Variants in SMURF1 observed in about 807,000 individuals in gnomAD.
SMURF1 encodes the protein E3 ubiquitin-protein ligase SMURF1.
In SMURF1, 44 loss-of-function variants were observed where a neutral mutation model predicts 98.0. The ratio of observed to expected loss-of-function variants is 0.45; its 90% confidence interval spans 0.35 to 0.58. The LOEUF is 0.58. Among genes scored for constraint, SMURF1 ranks in the 20% least tolerant of loss-of-function variants. SMURF1 has a pLI of 0.00. For synonymous variants in SMURF1, 396 were observed against 374.9 expected (o/e 1.06, Z -0.65); for missense variants, 687 against 938.4 (o/e 0.73, Z 3.50).
chr7:99,053,678 G>A (rs1303586835), intron 6 of SMURF1, among the ~76,000 whole-genome samples: 7 of 152,184 alleles, frequency 4.6e-5, no homozygotes, highest in African/African-American at 7.2e-5. Context: ...TTGGGGCCGT[G>A]AGACACATTC....
chr7:99,047,995 A>T, intron 9 of SMURF1, 113 bp from the exon 10 acceptor site: 1 of 997,908 alleles, frequency 1.0e-6, no homozygotes, highest in Non-Finnish European at 1.5e-6. Context: ...AACTTCAGGG[A>T]GAATTTGTTT....
At chr7:99,060,529 T>C in intron 3 of SMURF1, 70 bp downstream of exon 3, 1 of 1,032,242 alleles carries the variant, frequency 9.7e-7, no homozygotes, top group East Asian at 2.5e-5. Context: ...TTCTCTTGGA[T>C]GTTTCTCGTA....
intron 1 of SMURF1, among the ~76,000 whole-genome samples, chr7:99,097,175 C>T (rs1440127235): frequency 6.6e-6 from 1 of 151,848 alleles, no homozygotes; most frequent in East Asian, 1.9e-4. Context: ...AGTTGCAAAT[C>T]AGGCATCTAA....
chr7:99,038,366 C>T (rs765111209), intron 14 of SMURF1, 22 bp downstream of exon 14: 29 of 1,611,596 alleles, frequency 1.8e-5, no homozygotes, highest in African/African-American at 1.6e-4. Context: ...GGCACCTGGC[C>T]GTCCCCGACA....
At chr7:99,094,267 A>G (rs1796894282) in intron 1 of SMURF1, among the ~76,000 whole-genome samples, 1 of 152,178 alleles carries the variant, frequency 6.6e-6, no homozygotes, top group South Asian at 2.1e-4. Flanking sequence ...AATTGAAAAC[A>G]CTCAATTTTT....
intron 5 of SMURF1, 44 bp downstream of exon 5, chr7:99,057,161 A>C: frequency 6.2e-7 from 1 of 1,605,368 alleles, no homozygotes; most frequent in South Asian, 1.1e-5. Context: ...GTTGAATGTA[A>C]GTTCTGGAAA....
At chr7:99,051,513 C>G (rs1795751867) in intron 7 of SMURF1, 72 bp from the exon 8 acceptor site, 1 of 1,141,872 alleles carries the variant, frequency 8.8e-7, no homozygotes, top group South Asian at 1.2e-5. Context: ...ACCCTCGATG[C>G]CCTCACGTCT....
At chr7:99,062,216 G>C (rs1379527388) in intron 1 of SMURF1, among the ~76,000 whole-genome samples, 1 of 151,486 alleles carries the variant, frequency 6.6e-6, no homozygotes, top group African/African-American at 2.4e-5. Context: ...TCTTGCCTCA[G>C]CCCTCCCAGT....
intron 9 of SMURF1, 53 bp downstream of exon 9, chr7:99,049,510 A>T: frequency 6.4e-7 from 1 of 1,563,394 alleles, no homozygotes; most frequent in Admixed American, 1.7e-5. Context: ...AGTCCAAGAA[A>T]GCATTCGATT....
At chr7:99,119,371 A>G (rs570878353) in intron 1 of SMURF1, among the ~76,000 whole-genome samples, 1 of 152,270 alleles carries the variant, frequency 6.6e-6, no homozygotes, top group South Asian at 2.1e-4. Flanking sequence ...CCCACAAAGA[A>G]ATTAACCTTT....
chr7:99,119,003 ATTTTTTTTTTTTT>A (rs67705340), intron 1 of SMURF1, among the ~76,000 whole-genome samples: 3 of 42,882 alleles, frequency 7.0e-5, no homozygotes, highest in Non-Finnish European at 1.2e-4. Flanking sequence ...TAACATGCCA[ATTTTTTTTTTTTT>A]TTTTTTTTTT....
At position 99,113,364 on chromosome 7, in the gene SMURF1, G is replaced by T. The variant is rs181314154; in HGVS notation, c.55+30362C>A. The stretch of plus-strand genomic sequence containing the variant: ...AGAAACCATAGAGCCAAAGGCAATG[G>T]AATTATATATTCAAATTACTAAAAG... On this transcript the variant is annotated intron_variant, in intron 1 of 17. Coordinates refer to ENST00000361368, the MANE Select transcript of SMURF1 (RefSeq NM_181349.3). Among the ~76,000 whole-genome samples the T allele has an allele frequency of 9.7e-3, 1,476 of 152,188 alleles. 20 individuals carry two copies. Among genetic ancestry groups the T allele is most frequent in the Non-Finnish European group, 0.013 (857 of 67,992 alleles).
chr7:99,054,891 T>C (rs1490261289), intron 5 of SMURF1, 26 bp from the exon 6 acceptor site: 1 of 1,608,068 alleles, frequency 6.2e-7, no homozygotes, highest in Non-Finnish European at 8.5e-7. Context: ...ACGACTTGTG[T>C]TAAAACCCAG....
At chr7:99,040,733 A>G (rs1187169037) in intron 12 of SMURF1, among the ~76,000 whole-genome samples, 177 bp from the exon 13 acceptor site, 1 of 152,156 alleles carries the variant, frequency 6.6e-6, no homozygotes, top group Non-Finnish European at 1.5e-5. Flanking sequence ...TGTAGCAGAA[A>G]TTTGCCTAGA....
In SMURF1 at chr7:99,085,754, C is replaced by T. The variant is rs1420950656; in HGVS notation, c.56-23917G>A. Among the ~76,000 whole-genome samples the T allele has an allele frequency of 1.3e-5, 2 of 152,190 alleles. 1 individual carries two copies. The highest frequency in any genetic ancestry group is 2.9e-5 in the Non-Finnish European group (2 of 68,038). On this transcript the variant is annotated intron_variant, in intron 1 of 17. Transcript: ENST00000361368. Reference sequence around the variant, plus strand: ...CCTAAAAAATCCTCTGTACTCTACCCGTTATTCTCCCCGTCCCCTTGGCAA... The same window carrying T: ...CCTAAAAAATCCTCTGTACTCTACCTGTTATTCTCCCCGTCCCCTTGGCAA...
intron 1 of SMURF1, among the ~76,000 whole-genome samples, chr7:99,070,775 A>G (rs1274919536): frequency 6.6e-6 from 1 of 152,066 alleles, no homozygotes; most frequent in Admixed American, 6.6e-5. Context: ...GCGCTTGATC[A>G]ATGTTTGTTG....
At chr7:99,039,193 C>CAAA (rs34106810) in intron 13 of SMURF1, among the ~76,000 whole-genome samples, 5 of 60,482 alleles carry the variant, frequency 8.3e-5, no homozygotes, top group Non-Finnish European at 1.7e-4. Context: ...GACTCTGTCT[C>CAAA]AAAAAAAAAA....
At chr7:99,138,797 CA>C (rs1457031552) in intron 1 of SMURF1, among the ~76,000 whole-genome samples, 1 of 152,154 alleles carries the variant, frequency 6.6e-6, no homozygotes, top group African/African-American at 2.4e-5. Flanking sequence ...ATCACAAAAT[CA>C]ATGACAAAAA....
intron 1 of SMURF1, 83 bp downstream of exon 1, chr7:99,143,643 G>T: frequency 2.4e-6 from 3 of 1,251,704 alleles, no homozygotes; most frequent in Non-Finnish European, 3.3e-6. Flanking sequence ...GTGGGGGAGG[G>T]CCGCTTCCAA....
Sources: allele counts gnomAD v4.1 joint callset (sites outside exome capture counted in the v4.1 genomes callset), GRCh38; gene constraint gnomAD v4.1.1; transcripts MANE v1.5; gene names NCBI Gene and HGNC (gene_info 2026-07-23, HGNC 2026-07-21).